The following GNS variants were observed in gnomAD, a reference collection of about 807,000 sequenced individuals.
The protein encoded by GNS is N-acetylglucosamine-6-sulfatase.
In GNS, 40 loss-of-function variants were observed where a neutral mutation model predicts 69.7. The ratio of observed to expected loss-of-function variants is 0.57; its 90% CI spans 0.45 to 0.75. The LOEUF is 0.75. GNS is among the 30% of genes least tolerant of loss of function. GNS has a pLI of 0.00. For synonymous variants in GNS, 243 were observed against 251.6 expected (o/e 0.97, Z 0.32); for missense variants, 565 against 685.5 (o/e 0.82, Z 1.96).
At position 64,730,133 on chromosome 12, in the gene GNS, A is replaced by G. The variant is rs1049126089; in HGVS notation, c.1099-1076T>C. Among the ~76,000 whole-genome samples, 3 of 152,186 alleles carry G rather than the reference A, an allele frequency of 2.0e-5. No individual in the cohort carries two copies. In the South Asian group the frequency reaches 6.2e-4, roughly 31 times the overall value. ...GAGCGAAACAAAGAGGAAGTGAGAA[A>G]AACTGGGAACTAAAGTTTACTGTGC... is the stretch of plus-strand genomic sequence containing the variant. On this transcript the variant is annotated intron_variant, in intron 9 of 13. Transcript: ENST00000258145.
chr12:64,747,515 C>A (rs1369677039), intron 3 of GNS, among the ~76,000 whole-genome samples, 197 bp downstream of exon 3: 2 of 151,938 alleles, frequency 1.3e-5, no homozygotes, highest in South Asian at 4.2e-4. Flanking sequence ...AAGTTCTTAC[C>A]CAAATCATGT....
chr12:64,743,406 T>C, intron 5 of GNS, 98 bp from the exon 6 acceptor site: 1 of 851,366 alleles, frequency 1.2e-6, no homozygotes, highest in Non-Finnish European at 2.0e-6. Context: ...AGGGTCTTAC[T>C]AGCTTTTAAG....
chr12:64,722,849 T>G (rs913980262), intron 11 of GNS, 157 bp downstream of exon 11: 29 of 642,116 alleles, frequency 4.5e-5, no homozygotes, highest in Non-Finnish European at 7.4e-5. Flanking sequence ...ATTTCCAAGA[T>G]CACTGGATTT....
In GNS at chr12:64,739,466, C is replaced by T; in HGVS notation, c.909G>A (p.Val303=). Residue 303 remains valine, a synonymous_variant, in exon 8 of 14, where the codon GTG becomes GTA. Coordinates refer to ENST00000258145, the MANE Select transcript of GNS (RefSeq NM_002076.4). ...WQTLLSVDDL[V]EKLVKRLEFT... The stretch of plus-strand genomic sequence containing the variant: ...ACTCCAGCCTCTTGACCAGTTTCTC[C>T]ACAAGGTCATCAACTGAGAGGAGAG... 1.2e-6 allele frequency: 2 copies of T among 1,606,934 alleles called. No homozygotes were observed. The highest frequency in any genetic ancestry group is 1.7e-6 in the Non-Finnish European group (2 of 1,174,594).
chr12:64,752,355 T>C (rs1365051711), intron 2 of GNS, among the ~76,000 whole-genome samples: 1 of 152,198 alleles, frequency 6.6e-6, no homozygotes, highest in Non-Finnish European at 1.5e-5. Context: ...GTGTTGCTAT[T>C]TGTCAGTTTT....
In GNS at chr12:64,757,975, G is replaced by C. The variant is rs976491299; in HGVS notation, c.192+1110C>G. Among the ~76,000 whole-genome samples the C allele has an allele frequency of 3.3e-5, 5 of 152,188 alleles. No individual in the cohort carries two copies. In the South Asian group the frequency reaches 6.2e-4, roughly 19 times the overall value. ...GCAATAAAGCATTTGGTTTTAAAGC[G>C]AAGAGAGGAATGCTGAACCCAGGGT... On this transcript the variant is annotated intron_variant, in intron 1 of 13. Transcript: ENST00000258145.
At chr12:64,742,179 C>G (rs1333991133) in intron 6 of GNS, among the ~76,000 whole-genome samples, 1 of 152,146 alleles carries the variant, frequency 6.6e-6, no homozygotes, top group Non-Finnish European at 1.5e-5. Flanking sequence ...CACCACCACG[C>G]CCGGCTAATT....
In GNS at chr12:64,716,415, A is replaced by T; in HGVS notation, c.*326T>A. On this transcript the variant is annotated 3_prime_UTR_variant, in exon 14 of 14. Transcript: ENST00000258145. ...CTGCCATTTATCTGAATGGGTTTACAAATTCAGTCTTTAACCACAAGAGGA... is the reference window on the plus strand; with the variant it reads ...CTGCCATTTATCTGAATGGGTTTACTAATTCAGTCTTTAACCACAAGAGGA... 2.6e-6 allele frequency: 1 copy of T among 389,180 alleles called. No individual in the cohort carries two copies. The highest frequency in any genetic ancestry group is 5.6e-5 in the East Asian group (1 of 17,882). The allele number at this position is 389,180 out of a possible 1,614,324, so 24.1% of individuals were successfully genotyped here.
At chr12:64,744,552 C>G (rs1318180495) in intron 5 of GNS, among the ~76,000 whole-genome samples, 1 of 151,912 alleles carries the variant, frequency 6.6e-6, no homozygotes, top group Non-Finnish European at 1.5e-5. Flanking sequence ...TCTCTGTAGT[C>G]GAAGAGATTA....
At position 64,744,802 on chromosome 12, in the gene GNS, A is replaced by C. The variant is rs1869849151; in HGVS notation, c.624+7T>G. The C allele has an allele frequency of 7.3e-7, 1 of 1,362,562 alleles. No homozygotes were observed. Among genetic ancestry groups the C allele is most frequent in the African/African-American group, 1.4e-5 (1 of 70,118 alleles). The allele number at this position is 1,362,562 out of a possible 1,614,324, so 84.4% of individuals were successfully genotyped here. A position where few individuals can be genotyped will look rare whatever the true frequency, so the allele number is the denominator to read the frequency against. ...AAGGACAGAGCTACAAAGCTTCTGC[A>C]ACTCACCAAAACATCTGTCAGGTAG... On this transcript the variant is annotated splice_region_variant and intron_variant, in intron 5 of 13. Transcript: ENST00000258145.
At chr12:64,742,932 A>T (rs555515114) in intron 6 of GNS, among the ~76,000 whole-genome samples, 1 of 151,876 alleles carries the variant, frequency 6.6e-6, no homozygotes, top group Non-Finnish European at 1.5e-5. Flanking sequence ...TTCCCTGTCA[A>T]CTCTCCAGCT....
chr12:64,755,552 TG>T (rs1870223870), intron 1 of GNS, among the ~76,000 whole-genome samples: 1 of 146,908 alleles, frequency 6.8e-6, no homozygotes, highest in South Asian at 2.2e-4. Flanking sequence ...CACTCCAGCC[TG>T]GGTGACAGAG....
Position 64,716,539 on chromosome 12 carries a change from C to T in GNS, c.*202G>A. 1.6e-6 allele frequency: 1 copy of T among 631,506 alleles called. No homozygotes were observed. The highest frequency in any genetic ancestry group is 2.9e-6 in the Non-Finnish European group (1 of 345,112). 39.1% of individuals were successfully genotyped at this position (631,506 alleles called of 1,614,324 possible). On this transcript the variant is annotated 3_prime_UTR_variant, in exon 14 of 14. Transcript: ENST00000258145. ...TAAAGGAAGAGACCAGAGACAGCCA[C>T]TCCTGACACATGGGCAGAGTTCACA...
chr12:64,719,997 G>A (rs1236908795), intron 13 of GNS, 25 bp downstream of exon 13: 5 of 1,592,940 alleles, frequency 3.1e-6, no homozygotes, highest in East Asian at 2.2e-5. Context: ...ACTTGGCCAA[G>A]TAAATGAAGA....
intron 3 of GNS, among the ~76,000 whole-genome samples, chr12:64,747,314 G>C (rs987500385): frequency 6.6e-6 from 1 of 152,130 alleles, no homozygotes; most frequent in African/African-American, 2.4e-5. Context: ...ATTCTAAGAC[G>C]AAAAATATCT....
intron 2 of GNS, among the ~76,000 whole-genome samples, chr12:64,748,970 C>T (rs371695310): frequency 5.1e-4 from 78 of 152,266 alleles, no homozygotes; most frequent in African/African-American, 1.7e-3. Flanking sequence ...GATGGAGTCT[C>T]GCTGTGTCAC....
At chr12:64,751,645 A>G (rs1490041848) in intron 2 of GNS, among the ~76,000 whole-genome samples, 1 of 152,206 alleles carries the variant, frequency 6.6e-6, no homozygotes, top group African/African-American at 2.4e-5. Context: ...TACTTGTATC[A>G]TGTTGGTAGA....
At position 64,719,789 on chromosome 12, in the gene GNS, G is replaced by A. The variant is rs112427584; in HGVS notation, c.1580+233C>T. Among the ~76,000 whole-genome samples the A allele has an allele frequency of 2.0e-4, 31 of 152,264 alleles. 2 individuals carry two copies. The highest frequency in any genetic ancestry group is 7.2e-4 in the African/African-American group (30 of 41,546). On this transcript the variant is annotated intron_variant, in intron 13 of 13. Coordinates refer to ENST00000258145, the MANE Select transcript of GNS (RefSeq NM_002076.4). ...AGCACGAAAATAACAAGAGCCCCAT[G>A]TTTGGTGGGGAGCAGGGCTGTACCT...
chr12:64,744,958 G>A (rs187443213), intron 4 of GNS, 51 bp from the exon 5 acceptor site: 51 of 831,064 alleles, frequency 6.1e-5, no homozygotes, highest in Non-Finnish European at 1.1e-4. Flanking sequence ...GCACAAAGTG[G>A]AAGTCTGAAT....
Sources: allele counts gnomAD v4.1 joint callset (sites outside exome capture counted in the v4.1 genomes callset), GRCh38; gene constraint gnomAD v4.1.1; transcripts MANE v1.5; gene names NCBI Gene and HGNC (gene_info 2026-07-23, HGNC 2026-07-21).